The following SUGCT variants were observed in gnomAD, a reference collection of about 807,000 sequenced individuals.
SUGCT encodes succinyl-CoA:glutarate-CoA transferase, also known as succinyl-CoA:glutarate CoA-transferase.
Under a neutral mutation model 55.0 loss-of-function variants are expected in SUGCT, and 41 were observed. The observed-to-expected ratio is 0.74, with a 90% confidence interval of 0.58 to 0.97. The LOEUF is 0.97. Among genes scored for constraint, SUGCT ranks in the 50% least tolerant of loss-of-function variants. The pLI is 0.00. For synonymous variants in SUGCT, 187 were observed against 200.4 expected, an observed-to-expected ratio of 0.93 and a Z score of 0.56; for missense variants, 568 against 547.8, an observed-to-expected ratio of 1.04 and a Z score of -0.37.
At chr7:40,457,095 A>AT (rs1789531188) in intron 10 of SUGCT, among the ~76,000 whole-genome samples, 1 of 148,240 alleles carries the variant, frequency 6.7e-6, no homozygotes, top group Non-Finnish European at 1.5e-5. Context: ...ATGTCTCTTC[A>AT]TTTTTTTGCA....
chr7:40,875,072 T>A, the SUGCT span, among the ~76,000 whole-genome samples: 2 of 152,186 alleles, frequency 1.3e-5, no homozygotes, highest in African/African-American at 4.8e-5. Flanking sequence ...GCACTCTGAG[T>A]TCTAGATGGT....
At position 40,171,368 on chromosome 7, in the gene SUGCT, A is replaced by G. The variant is rs150478999; in HGVS notation, c.101-9579A>G. Among the ~76,000 whole-genome samples, 84 of 152,306 alleles carry G rather than the reference A, an allele frequency of 5.5e-4. 1 individual carries two copies. Among genetic ancestry groups the G allele is most frequent in the African/African-American group, 1.9e-3 (80 of 41,562 alleles). ...AACTCGCTTTTACAAGTGTTTCCCTATCAATTACTGCATACCCATTGTGTT... is the reference window on the plus strand; with the variant it reads ...AACTCGCTTTTACAAGTGTTTCCCTGTCAATTACTGCATACCCATTGTGTT... On this transcript the variant is annotated intron_variant, in intron 1 of 13. Coordinates refer to ENST00000335693, the MANE Select transcript of SUGCT (RefSeq NM_001193313.2).
chr7:40,308,950 C>T (rs1794989232), intron 8 of SUGCT, among the ~76,000 whole-genome samples: 1 of 152,136 alleles, frequency 6.6e-6, no homozygotes, highest in African/African-American at 2.4e-5. Context: ...GTGGAGGTTG[C>T]AATGAGAGAT....
At chr7:40,315,290 T>G (rs911208898) in intron 8 of SUGCT, among the ~76,000 whole-genome samples, 2 of 152,220 alleles carry the variant, frequency 1.3e-5, no homozygotes, top group Non-Finnish European at 2.9e-5. Context: ...ATCCAGGGCA[T>G]TTTTGCTACA....
At chr7:40,792,732 C>A (rs567430107) in intron 13 of SUGCT, among the ~76,000 whole-genome samples, 1 of 152,140 alleles carries the variant, frequency 6.6e-6, no homozygotes, top group African/African-American at 2.4e-5. Flanking sequence ...TAATTTGGTA[C>A]CCATATTAGT....
In SUGCT at chr7:40,258,968, T is replaced by C. The variant is rs147946192; in HGVS notation, c.577-15545T>C. 1.4e-4 allele frequency among the ~76,000 whole-genome samples: 21 copies of C among 152,304 alleles called. No homozygotes were observed. In the East Asian group the frequency reaches 4.0e-3, roughly 29 times the overall value. On this transcript the variant is annotated intron_variant, in intron 7 of 13. Transcript: ENST00000335693. ...AACATGGTATATATACGTAATGGAA[T>C]ACTATTCAGCCTTAGAAAAAACAAG...
At chr7:40,779,557 C>T (rs1789630027) in intron 13 of SUGCT, among the ~76,000 whole-genome samples, 1 of 152,134 alleles carries the variant, frequency 6.6e-6, no homozygotes, top group East Asian at 1.9e-4. Flanking sequence ...AATAGTCTTA[C>T]AGCAAAAGTA....
intron 9 of SUGCT, among the ~76,000 whole-genome samples, chr7:40,391,176 A>T (rs1271655926): frequency 1.3e-5 from 2 of 152,230 alleles, no homozygotes; most frequent in Admixed American, 1.3e-4. Flanking sequence ...AAAACCATAA[A>T]AACCCTAGAA....
At chr7:40,899,222 G>T in the SUGCT span, among the ~76,000 whole-genome samples, 1 of 152,110 alleles carries the variant, frequency 6.6e-6, no homozygotes, top group Non-Finnish European at 1.5e-5. Context: ...ATCTCTGGCC[G>T]CCCGCCCTCC....
the SUGCT span, among the ~76,000 whole-genome samples, chr7:40,900,355 C>A: frequency 6.6e-6 from 1 of 152,198 alleles, no homozygotes; most frequent in Non-Finnish European, 1.5e-5. Flanking sequence ...TCATGTTGGA[C>A]AGGTGACTAA....
intron 1 of SUGCT, among the ~76,000 whole-genome samples, chr7:40,179,484 G>T (rs376733590): frequency 6.6e-6 from 1 of 151,862 alleles, no homozygotes; most frequent in Non-Finnish European, 1.5e-5. Flanking sequence ...GTGGAGACAG[G>T]GTTGGCCAGG....
intron 12 of SUGCT, among the ~76,000 whole-genome samples, chr7:40,586,701 A>C (rs901050319): frequency 1.3e-5 from 2 of 152,178 alleles, no homozygotes; most frequent in African/African-American, 2.4e-5. Flanking sequence ...ATACTAGTTT[A>C]ATCTTCACAA....
At chr7:40,395,187 A>G (rs1785654783) in intron 9 of SUGCT, among the ~76,000 whole-genome samples, 2 of 152,040 alleles carry the variant, frequency 1.3e-5, no homozygotes, top group Admixed American at 6.6e-5. Context: ...CCTGGGAGCT[A>G]ATTAGAAATT....
At chr7:40,961,296 C>G in the SUGCT span, among the ~76,000 whole-genome samples, 6 of 152,224 alleles carry the variant, frequency 3.9e-5, no homozygotes, top group Non-Finnish European at 8.8e-5. Flanking sequence ...CAGATGGGAT[C>G]ACACACAGTG....
chr7:40,662,058 A>G (rs1291071797), intron 12 of SUGCT, among the ~76,000 whole-genome samples: 2 of 152,194 alleles, frequency 1.3e-5, no homozygotes, highest in African/African-American at 4.8e-5. Flanking sequence ...TTTTTGTCAA[A>G]CGTATCTCCC....
intron 11 of SUGCT, among the ~76,000 whole-genome samples, chr7:40,464,544 C>T (rs1365232004): frequency 6.6e-6 from 1 of 152,066 alleles, no homozygotes; most frequent in Non-Finnish European, 1.5e-5. Flanking sequence ...ATCATGACAG[C>T]AGAAAAAAAG....
At chr7:40,245,466 G>T (rs1206411069) in intron 7 of SUGCT, among the ~76,000 whole-genome samples, 2 of 86,046 alleles carry the variant, frequency 2.3e-5, no homozygotes, top group East Asian at 6.3e-4. Flanking sequence ...TTGAGATGGA[G>T]TCTCGCTCTG....
chr7:40,950,467 A>G, the SUGCT span, among the ~76,000 whole-genome samples: 49,447 of 151,900 alleles, frequency 0.33, 8,871 homozygotes, highest in Admixed American at 0.44. Flanking sequence ...CTGCCTGATT[A>G]CCCAGGCCAG....
chr7:40,200,349 A>G (rs1014376953), intron 6 of SUGCT, among the ~76,000 whole-genome samples: 3 of 152,188 alleles, frequency 2.0e-5, no homozygotes, highest in East Asian at 1.9e-4. Flanking sequence ...AAACTATACT[A>G]TTATGAAAGA....
Sources: allele counts gnomAD v4.1 joint callset (sites outside exome capture counted in the v4.1 genomes callset), GRCh38; gene constraint gnomAD v4.1.1; transcripts MANE v1.5; gene names NCBI Gene and HGNC (gene_info 2026-07-23, HGNC 2026-07-21).